Variants in CDYL2 observed in about 807,000 individuals in gnomAD.
CDYL2 encodes chromodomain Y like 2.
CDYL2 carries 23 observed loss-of-function variants against 49.4 expected under a neutral mutation model. That is an observed-to-expected ratio of 0.47 (90% CI 0.34 to 0.66). The LOEUF is 0.66. Among genes scored for constraint, CDYL2 ranks in the 30% least tolerant of loss-of-function variants. The pLI is 0.01. For missense variants in CDYL2, 678 were observed against 656.4 expected, an observed-to-expected ratio of 1.03 and a Z score of -0.36; for synonymous variants, 360 against 268.8, an observed-to-expected ratio of 1.34 and a Z score of -3.32.
chr16:80,639,028 A>G (rs536235301), intron 2 of CDYL2, among the ~76,000 whole-genome samples: 3 of 152,376 alleles, frequency 2.0e-5, no homozygotes, highest in East Asian at 1.9e-4. Flanking sequence ...CAATAATTTT[A>G]AAATGGGCAA....
chr16:80,786,674 T>C (rs1005582285), intron 1 of CDYL2, among the ~76,000 whole-genome samples: 1 of 152,158 alleles, frequency 6.6e-6, no homozygotes, highest in Non-Finnish European at 1.5e-5. Context: ...CCAACCCAAA[T>C]GTCCATCAAT....
chr16:80,637,444 G>A (rs970453724), intron 2 of CDYL2, among the ~76,000 whole-genome samples: 2 of 152,064 alleles, frequency 1.3e-5, no homozygotes, highest in African/African-American at 2.4e-5. Context: ...TAAAGTTTGG[G>A]AAGAAATAAA....
chr16:80,626,378 A>T (rs1167907932), intron 3 of CDYL2, among the ~76,000 whole-genome samples: 1 of 151,922 alleles, frequency 6.6e-6, no homozygotes, highest in Non-Finnish European at 1.5e-5. Context: ...ATTTGAGGGC[A>T]GGGGTTGGTA....
intron 5 of CDYL2, among the ~76,000 whole-genome samples, chr16:80,609,258 T>C (rs956938292): frequency 1.3e-5 from 2 of 152,186 alleles, no homozygotes; most frequent in African/African-American, 4.8e-5. Flanking sequence ...TAGGGCATAA[T>C]GGTCAAATCC....
In CDYL2 at chr16:80,662,793, G is replaced by T. The variant is rs371927765; in HGVS notation, c.616+21745C>A. On this transcript the variant is annotated intron_variant, in intron 2 of 6. Coordinates refer to ENST00000570137, the MANE Select transcript of CDYL2 (RefSeq NM_152342.4). ...ACTGGACAGTGAAGGGAATCACACT[G>T]TAGGAAAATCATCATGGATACCTTC... is the stretch of plus-strand genomic sequence containing the variant. 9 of 455,136 alleles carry T rather than the reference G, an allele frequency of 2.0e-5. No individual in the cohort carries two copies. The East Asian group carries it at 3.5e-4, about 18-fold the overall frequency. The allele number at this position is 455,136 out of a possible 1,614,324, so 28.2% of individuals were successfully genotyped here.
intron 1 of CDYL2, among the ~76,000 whole-genome samples, chr16:80,730,997 T>A (rs538187120): frequency 6.6e-6 from 1 of 152,084 alleles, no homozygotes; most frequent in South Asian, 2.1e-4. Flanking sequence ...AGAGGAAACA[T>A]CTGGAAAATG....
intron 3 of CDYL2, chr16:80,632,605 T>A (rs1907614855): frequency 1.1e-5 from 2 of 189,666 alleles, no homozygotes; most frequent in African/African-American, 4.6e-5. Flanking sequence ...CAATATGTAG[T>A]AACATATATA....
intron 3 of CDYL2, among the ~76,000 whole-genome samples, chr16:80,627,286 G>C (rs1907347220): frequency 6.6e-6 from 1 of 151,610 alleles, no homozygotes; most frequent in Non-Finnish European, 1.5e-5. Flanking sequence ...TTCTCTGAGA[G>C]GCAAATAAAA....
chr16:80,731,653 A>C (rs1905330160), intron 1 of CDYL2, among the ~76,000 whole-genome samples: 1 of 152,194 alleles, frequency 6.6e-6, no homozygotes, highest in African/African-American at 2.4e-5. Context: ...CAGATTTCTC[A>C]ACAGCAACAT....
At chr16:80,734,269 G>C (rs1443094436) in intron 1 of CDYL2, among the ~76,000 whole-genome samples, 1 of 152,184 alleles carries the variant, frequency 6.6e-6, no homozygotes, top group East Asian at 1.9e-4. Context: ...AAGGCAAGGA[G>C]ATTTCAAGTT....
chr16:80,733,869 C>T (rs1212147552), intron 1 of CDYL2, among the ~76,000 whole-genome samples: 3 of 152,156 alleles, frequency 2.0e-5, no homozygotes, highest in African/African-American at 7.2e-5. Flanking sequence ...CCAGGATGAG[C>T]TTTCTAAAAT....
chr16:80,628,165 C>G (rs912061077), intron 3 of CDYL2: 2 of 152,246 alleles, frequency 1.3e-5, no homozygotes, highest in Non-Finnish European at 2.9e-5. Context: ...TGTGATTCTT[C>G]TGACAAACTC....
intron 1 of CDYL2, among the ~76,000 whole-genome samples, chr16:80,776,171 A>G (rs1850494330): frequency 6.6e-6 from 1 of 152,154 alleles, no homozygotes; most frequent in Non-Finnish European, 1.5e-5. Context: ...ATACATATCA[A>G]TTAGAAGACA....
rs575612027 is a variant in CDYL2 at position 80,732,733 on chromosome 16, G to T, written c.25-47604C>A. ...GCCTAAGAATCCGGGCATTACATGA[G>T]ATTTGAAGATGACTTTGAATTGGCA... On this transcript the variant is annotated intron_variant, in intron 1 of 6. Coordinates refer to ENST00000570137, the MANE Select transcript of CDYL2 (RefSeq NM_152342.4). Among the ~76,000 whole-genome samples, 12 of 152,286 alleles carry T rather than the reference G, an allele frequency of 7.9e-5. No homozygotes were observed. The South Asian group carries it at 2.1e-3, about 26-fold the overall frequency.
intron 1 of CDYL2, among the ~76,000 whole-genome samples, chr16:80,687,480 G>T (rs1240658335): frequency 6.6e-6 from 1 of 151,948 alleles, no homozygotes; most frequent in Non-Finnish European, 1.5e-5. Flanking sequence ...ATGAATAGAT[G>T]GCTGGATAGA....
chr16:80,608,343 T>G, intron 5 of CDYL2, 108 bp from the exon 6 acceptor site: 1 of 1,228,332 alleles, frequency 8.1e-7, no homozygotes, highest in Non-Finnish European at 1.1e-6. Context: ...GAAGGCATCT[T>G]GCCTTCCAGA....
intron 1 of CDYL2, among the ~76,000 whole-genome samples, chr16:80,686,033 C>A (rs554817339): frequency 2.6e-5 from 4 of 152,184 alleles, no homozygotes; most frequent in African/African-American, 9.7e-5. Context: ...GGGTGTACAC[C>A]ACTATTATTT....
At chr16:80,787,600 TC>T (rs1310981605) in intron 1 of CDYL2, among the ~76,000 whole-genome samples, 1 of 150,950 alleles carries the variant, frequency 6.6e-6, no homozygotes, top group Non-Finnish European at 1.5e-5. Flanking sequence ...GTTCTCTCTC[TC>T]CTCTCTCTCC....
intron 1 of CDYL2, among the ~76,000 whole-genome samples, chr16:80,706,496 A>C (rs1904408794): frequency 6.6e-6 from 1 of 152,300 alleles, no homozygotes; most frequent in Non-Finnish European, 1.5e-5. Flanking sequence ...TCATGATCAC[A>C]TTGTTGCACG....
Sources: allele counts gnomAD v4.1 joint callset (sites outside exome capture counted in the v4.1 genomes callset), GRCh38; gene constraint gnomAD v4.1.1; transcripts MANE v1.5; gene names NCBI Gene and HGNC (gene_info 2026-07-23, HGNC 2026-07-21).